SNTG1: variants seen among roughly 807,000 people sequenced by gnomAD.
The protein encoded by SNTG1 is syntrophin gamma 1.
SNTG1 carries 39 observed loss-of-function variants against 74.7 expected under a neutral mutation model. That is an observed-to-expected ratio of 0.52 (90% CI 0.40 to 0.68). The LOEUF (loss-of-function observed/expected upper bound fraction) is 0.68, where lower values mean the gene tolerates loss of function less well. Ranked by LOEUF, SNTG1 falls within the 30% of genes least tolerant of loss-of-function variation. The pLI, the probability that SNTG1 is intolerant of heterozygous loss-of-function variation, is 0.00. For missense variants in SNTG1, 685 were observed against 609.5 expected, an observed-to-expected ratio of 1.12 and a Z score of -1.30; for synonymous variants, 254 against 217.1, an observed-to-expected ratio of 1.17 and a Z score of -1.49.
chr8:50,268,204 G>T (rs866735006), intron 2 of SNTG1, among the ~76,000 whole-genome samples: 1 of 152,116 alleles, frequency 6.6e-6, no homozygotes, highest in East Asian at 1.9e-4. Flanking sequence ...AACAAAACAT[G>T]TATAAGATCT....
At chr8:49,927,828 G>C (rs1260364950) in intron 1 of SNTG1, among the ~76,000 whole-genome samples, 1 of 151,948 alleles carries the variant, frequency 6.6e-6, no homozygotes, top group Non-Finnish European at 1.5e-5. Flanking sequence ...GTAAATGATG[G>C]ACTTTGGGGC....
chr8:50,231,058 A>G (rs1300922076), intron 2 of SNTG1, among the ~76,000 whole-genome samples: 2 of 151,326 alleles, frequency 1.3e-5, no homozygotes, highest in East Asian at 1.9e-4. Flanking sequence ...AATAAAACAA[A>G]TAATCTGATT....
intron 2 of SNTG1, among the ~76,000 whole-genome samples, chr8:50,324,489 T>A (rs1003988127): frequency 1.3e-5 from 2 of 152,158 alleles, no homozygotes; most frequent in African/African-American, 2.4e-5. Context: ...TGTGGTTGGT[T>A]GTTAAAATTT....
In SNTG1 at chr8:50,113,921, C is replaced by CAAAT. The variant is rs3086086; in HGVS notation, c.-102-58610_-102-58607dup. On this transcript the variant is annotated intron_variant, in intron 1 of 18. Coordinates refer to ENST00000642720, the MANE Select transcript of SNTG1 (RefSeq NM_018967.5). The stretch of plus-strand genomic sequence containing the variant: ...GAACTTAAAGTATAATAAAAATATA[C>CAAAT]AAATAAATAAATAAATAAATAAATA... Among the ~76,000 whole-genome samples, 1,239 of 149,434 alleles carry CAAAT rather than the reference C, an allele frequency of 8.3e-3. 10 individuals are homozygous for CAAAT. Among genetic ancestry groups the CAAAT allele is most frequent in the East Asian group, 0.011 (58 of 5,104 alleles).
intron 1 of SNTG1, among the ~76,000 whole-genome samples, chr8:49,918,107 T>A (rs1806205653): frequency 6.6e-6 from 1 of 152,192 alleles, no homozygotes; most frequent in African/African-American, 2.4e-5. Context: ...CAGACCTTTT[T>A]GTTTTTATCT....
intron 4 of SNTG1, among the ~76,000 whole-genome samples, chr8:50,433,586 G>T (rs2093267402): frequency 6.6e-6 from 1 of 151,174 alleles, no homozygotes; most frequent in African/African-American, 2.4e-5. Flanking sequence ...CTTGGATCTT[G>T]GTCAAGTTAA....
At chr8:49,942,688 C>A (rs889466929) in intron 1 of SNTG1, among the ~76,000 whole-genome samples, 1 of 152,026 alleles carries the variant, frequency 6.6e-6, no homozygotes, top group African/African-American at 2.4e-5. Context: ...TATGGGATGT[C>A]CCTATATTGG....
At chr8:49,962,025 T>TC (rs1810732378) in intron 1 of SNTG1, among the ~76,000 whole-genome samples, 1 of 152,284 alleles carries the variant, frequency 6.6e-6, no homozygotes, top group East Asian at 1.9e-4. Flanking sequence ...TTCTCCAGCT[T>TC]CCCCTCTGCT....
chr8:50,768,444 G>C (rs575262883), intron 18 of SNTG1, among the ~76,000 whole-genome samples: 1 of 152,162 alleles, frequency 6.6e-6, no homozygotes, highest in Admixed American at 6.6e-5. Context: ...ATGATGTGTT[G>C]ATGTTTGGAT....
chr8:49,935,546 GA>G (rs1038242004), intron 1 of SNTG1, among the ~76,000 whole-genome samples: 5 of 144,706 alleles, frequency 3.5e-5, no homozygotes, highest in East Asian at 4.0e-4. Flanking sequence ...AAAAGAAAAA[GA>G]AAAAAAAATC....
At chr8:49,975,461 C>A (rs551461120) in intron 1 of SNTG1, among the ~76,000 whole-genome samples, 1 of 152,230 alleles carries the variant, frequency 6.6e-6, no homozygotes, top group African/African-American at 2.4e-5. Flanking sequence ...TGCACAGCAG[C>A]GCTTGCCTTC....
intron 12 of SNTG1, among the ~76,000 whole-genome samples, chr8:50,583,673 A>G (rs1241134639): frequency 6.6e-6 from 1 of 151,628 alleles, no homozygotes; most frequent in Non-Finnish European, 1.5e-5. Context: ...CAAAGTGTCT[A>G]TAAATCCCCT....
At chr8:50,470,860 C>T (rs114174119) in intron 8 of SNTG1, among the ~76,000 whole-genome samples, 6 of 152,076 alleles carry the variant, frequency 3.9e-5, no homozygotes, top group South Asian at 2.1e-4. Context: ...CTCTGGTGGC[C>T]GGCGTTTATT....
At chr8:50,382,416 C>T (rs758578679) in intron 2 of SNTG1, 1 of 152,130 alleles carries the variant, frequency 6.6e-6, no homozygotes, top group African/African-American at 2.4e-5. Flanking sequence ...ATATGCGCTA[C>T]TAGAGTTATT....
At chr8:50,737,473 CAG>C (rs1189871042) in intron 17 of SNTG1, among the ~76,000 whole-genome samples, 1 of 152,104 alleles carries the variant, frequency 6.6e-6, no homozygotes, top group Non-Finnish European at 1.5e-5. Context: ...AGAATTCAAC[CAG>C]AGTTACAAAG....
In SNTG1 at chr8:50,541,207, G is replaced by A. The variant is rs184070853; in HGVS notation, c.680+4399G>A. Among the ~76,000 whole-genome samples, 117 of 151,700 alleles carry A rather than the reference G, an allele frequency of 7.7e-4. 1 individual carries two copies. Among genetic ancestry groups the A allele is most frequent in the Non-Finnish European group, 1.4e-3 (94 of 67,982 alleles). ...ACTGTAATACAATATCCCAACCAGG[G>A]AATGGACTTGACAAAATTCACCACT... On this transcript the variant is annotated intron_variant, in intron 11 of 18. Transcript: ENST00000642720.
upstream of SNTG1, among the ~76,000 whole-genome samples, chr8:49,910,663 G>T (rs567272132): frequency 6.6e-6 from 1 of 152,256 alleles, no homozygotes; most frequent in Non-Finnish European, 1.5e-5. Flanking sequence ...CCAAGAGCGG[G>T]AGTGAAGAGC....
In SNTG1 at chr8:50,051,174, T is replaced by C. The variant is rs184038831; in HGVS notation, c.-102-121387T>C. The stretch of plus-strand genomic sequence containing the variant: ...TACGGCAAGAAAAAGAAATAAAACA[T>C]ACTTATTTTGGAAAGTAAAAAATAA... On this transcript the variant is annotated intron_variant, in intron 1 of 18. Coordinates refer to ENST00000642720, the MANE Select transcript of SNTG1 (RefSeq NM_018967.5). Among the ~76,000 whole-genome samples, 15 of 151,572 alleles carry C rather than the reference T, an allele frequency of 9.9e-5. No individual in the cohort carries two copies. The East Asian group carries it at 2.9e-3, about 29-fold the overall frequency.
intron 1 of SNTG1, among the ~76,000 whole-genome samples, chr8:50,158,287 C>T (rs1458255192): frequency 2.0e-5 from 3 of 152,112 alleles, no homozygotes; most frequent in Non-Finnish European, 2.9e-5. Flanking sequence ...TCATCTTTCA[C>T]ATATGTAGTC....
Sources: gnomAD v4.1 joint callset for allele counts (sites outside exome capture counted in the v4.1 genomes callset) on GRCh38, gnomAD v4.1.1 for gene constraint, MANE v1.5 for transcripts, NCBI Gene and HGNC (gene_info 2026-07-23, HGNC 2026-07-21) for gene names.